CRTAM: variants seen among roughly 807,000 people sequenced by gnomAD.
CRTAM encodes cytotoxic and regulatory T cell molecule, also known as cytotoxic and regulatory T-cell molecule.
CRTAM carries 44 observed loss-of-function variants against 50.0 expected under a neutral mutation model. The ratio of observed to expected loss-of-function variants is 0.88; its 90% CI spans 0.69 to 1.13. CRTAM has a LOEUF of 1.13. Among genes scored for constraint, CRTAM ranks in the 50% most tolerant of loss-of-function variants. CRTAM has a pLI of 0.00. For synonymous variants in CRTAM, 159 were observed against 169.3 expected, an observed-to-expected ratio of 0.94 and a Z score of 0.47; for missense variants, 448 against 457.5, an observed-to-expected ratio of 0.98 and a Z score of 0.19.
rs750400327 is a variant in CRTAM at position 122,851,791 on chromosome 11, T to G, written c.292T>G (p.Cys98Gly). Reference sequence around the variant, plus strand: ...CCTGCAAGATGAAGGCGTGTACAAGTGCTTACATTACAGCGACTCTGTAAG... The same window carrying G: ...CCTGCAAGATGAAGGCGTGTACAAGGGCTTACATTACAGCGACTCTGTAAG... Reference protein sequence around the residue: ...VTLQDEGVYKCLHYSDSVSTK... With the variant: ...VTLQDEGVYKGLHYSDSVSTK... Residue 98 changes from cysteine (C) to glycine (G), a missense_variant, in exon 3 of 10, where the codon TGC becomes GGC. Coordinates refer to ENST00000227348, the MANE Select transcript of CRTAM (RefSeq NM_019604.4). 9 of 1,614,082 alleles carry G rather than the reference T, an allele frequency of 5.6e-6. No homozygotes were observed. The African/African-American group carries it at 1.1e-4, about 19-fold the overall frequency.
At position 122,872,420 on chromosome 11, in the gene CRTAM, GA is replaced by G; in HGVS notation, c.*1022del. The G allele has an allele frequency of 6.6e-6, 1 of 152,612 alleles. No homozygotes were observed. Among genetic ancestry groups the G allele is most frequent in the Middle Eastern group, 3.4e-3 (1 of 294 alleles). 9.5% of individuals were successfully genotyped at this position (152,612 alleles called of 1,614,324 possible). On this transcript the variant is annotated 3_prime_UTR_variant, in exon 10 of 10. Transcript: ENST00000227348. ...TGATGGGTTGAATTTACTGATTATT[GA>G]CCTAATGGATGGCTTTTTAAAATGT...
intron 3 of CRTAM, among the ~76,000 whole-genome samples, chr11:122,852,529 A>G (rs1055403414): frequency 3.9e-5 from 6 of 152,210 alleles, no homozygotes; most frequent in Non-Finnish European, 7.4e-5. Context: ...CACATATCAC[A>G]CAAATGAATG....
Position 122,868,169 on chromosome 11 carries a change from GAGAC to G in CRTAM, c.1051+74_1051+77del, listed in dbSNP as rs1237148824. 5.3e-6 allele frequency: 5 copies of G among 935,606 alleles called. No homozygotes were observed. In the Admixed American group the frequency reaches 5.4e-5, roughly 10 times the overall value. The allele number at this position is 935,606 out of a possible 1,614,324, so 58.0% of individuals were successfully genotyped here. ...AATGTATTAGTCAGATTTCTCCAGA[GAGAC>G]AGAGACAACAGAATATGTGTGTGTG... is the stretch of plus-strand genomic sequence containing the variant. On this transcript the variant is annotated intron_variant, in intron 9 of 9. Coordinates refer to ENST00000227348, the MANE Select transcript of CRTAM (RefSeq NM_019604.4).
chr11:122,861,741 G>A (rs565718553), intron 5 of CRTAM, among the ~76,000 whole-genome samples: 7 of 151,968 alleles, frequency 4.6e-5, no homozygotes, highest in Admixed American at 1.3e-4. Flanking sequence ...GTGCCCACCC[G>A]ACATGTCAGT....
chr11:122,871,456 C>G lies in CRTAM; in HGVS notation c.*57C>G. 1 of 1,522,868 alleles carries G rather than the reference C, an allele frequency of 6.6e-7. No homozygotes were observed. Among genetic ancestry groups the G allele is most frequent in the Non-Finnish European group, 8.9e-7 (1 of 1,117,554 alleles). The allele number at this position is 1,522,868 out of a possible 1,614,324, so 94.3% of individuals were successfully genotyped here. A position where few individuals can be genotyped will look rare whatever the true frequency, so the allele number is the denominator to read the frequency against. ...GTTGCCGCAGTGTCACCTCAGTGGA[C>G]CAGCCTGGGGGAAGGAGCTTAATTG... On this transcript the variant is annotated 3_prime_UTR_variant, in exon 10 of 10. Transcript: ENST00000227348.
intron 5 of CRTAM, among the ~76,000 whole-genome samples, chr11:122,861,407 TATATA>T (rs1565291758): frequency 1.0e-4 from 2 of 19,664 alleles, no homozygotes; most frequent in African/African-American, 5.2e-4. Flanking sequence ...TATATATATA[TATATA>T]TATATATATT....
intron 1 of CRTAM, among the ~76,000 whole-genome samples, chr11:122,846,840 A>C (rs1435204852): frequency 6.6e-6 from 1 of 152,176 alleles, no homozygotes; most frequent in East Asian, 1.9e-4. Flanking sequence ...AATGTCTACT[A>C]GGACCTAACT....
intron 1 of CRTAM, among the ~76,000 whole-genome samples, chr11:122,843,522 T>G (rs1280069925): frequency 1.3e-5 from 2 of 152,126 alleles, no homozygotes; most frequent in Non-Finnish European, 2.9e-5. Flanking sequence ...AATTTGCAGA[T>G]AAGAACTCTG....
chr11:122,846,929 A>C (rs1166600461), intron 1 of CRTAM, among the ~76,000 whole-genome samples: 1 of 152,200 alleles, frequency 6.6e-6, no homozygotes, highest in Admixed American at 6.5e-5. Context: ...GGAGATCCCT[A>C]GTGAAGAGCT....
In CRTAM at chr11:122,871,280, A is replaced by G. The variant is rs1404271294; in HGVS notation, c.1063A>G (p.Met355Val). 9 of 1,612,794 alleles carry G rather than the reference A, an allele frequency of 5.6e-6. No homozygotes were observed. Among genetic ancestry groups the G allele is most frequent in the African/African-American group, 1.3e-5 (1 of 74,914 alleles). The change falls in exon 10 of 10, where the codon ATG becomes GTG. Residue 355 changes from methionine to valine, a missense_variant. Met to Val is a conservative substitution (Grantham distance 21, BLOSUM62 1). Coordinates refer to ENST00000227348, the MANE Select transcript of CRTAM (RefSeq NM_019604.4). The stretch of plus-strand genomic sequence containing the variant: ...TGTTTTTCTTTCAGCTTCCCACCCT[A>G]TGCGTTGCATGAACTACATCACAAA... ...EEKNGQSSHP[M>V]RCMNYITKLY...
chr11:122,851,125 C>T (rs370346790), intron 2 of CRTAM, among the ~76,000 whole-genome samples: 3 of 151,848 alleles, frequency 2.0e-5, no homozygotes, highest in Non-Finnish European at 4.4e-5. Flanking sequence ...ATTAGCTGGG[C>T]GTGGTGGAGC....
chr11:122,860,273 C>T lies in CRTAM; in HGVS notation c.653-2191C>T, dbSNP rs144698642. The stretch of plus-strand genomic sequence containing the variant: ...CCATGTTGACCAGGCTGGTCTTGAA[C>T]TCCCGGCCTCAGGTGATCTGCCCGC... On this transcript the variant is annotated intron_variant, in intron 5 of 9. Coordinates refer to ENST00000227348, the MANE Select transcript of CRTAM (RefSeq NM_019604.4). 7.6e-3 allele frequency among the ~76,000 whole-genome samples: 1,153 copies of T among 152,238 alleles called. 7 individuals are homozygous for T. Among genetic ancestry groups the T allele is most frequent in the Non-Finnish European group, 0.012 (824 of 68,012 alleles).
intron 5 of CRTAM, among the ~76,000 whole-genome samples, chr11:122,858,808 G>T (rs542019627): frequency 1.3e-5 from 2 of 152,286 alleles, no homozygotes; most frequent in East Asian, 3.9e-4. Flanking sequence ...GATTAGAGGC[G>T]TGAGCTACTG....
chr11:122,853,840 G>T (rs1861967392), intron 3 of CRTAM, 103 bp from the exon 4 acceptor site: 3 of 1,069,130 alleles, frequency 2.8e-6, no homozygotes, highest in Non-Finnish European at 4.0e-6. Flanking sequence ...CCATTAATTA[G>T]AGTATACCCT....
At chr11:122,854,779 T>C (rs1460820428) in intron 4 of CRTAM, among the ~76,000 whole-genome samples, 2 of 152,006 alleles carry the variant, frequency 1.3e-5, no homozygotes, top group Admixed American at 6.6e-5. Flanking sequence ...CTTCCCTATA[T>C]TGTATAGTAC....
chr11:122,862,234 C>CAG, intron 5 of CRTAM: 2 of 545,810 alleles, frequency 3.7e-6, no homozygotes, highest in East Asian at 5.7e-5. Context: ...TGCCACCACA[C>CAG]AGAGGTCCAG....
At chr11:122,849,263 T>C (rs990267445) in intron 1 of CRTAM, among the ~76,000 whole-genome samples, 23 of 152,208 alleles carry the variant, frequency 1.5e-4, no homozygotes, top group African/African-American at 4.3e-4. Context: ...AGGTTGCATT[T>C]TCTGGGGCCT....
At chr11:122,850,315 A>T in intron 2 of CRTAM, 101 bp downstream of exon 2, 6 of 1,233,068 alleles carry the variant, frequency 4.9e-6, no homozygotes, top group Non-Finnish European at 5.6e-6. Context: ...GAGTCACCCA[A>T]GGGGTGGGCT....
intron 1 of CRTAM, among the ~76,000 whole-genome samples, chr11:122,846,650 G>A (rs890678899): frequency 3.3e-5 from 5 of 152,040 alleles, no homozygotes; most frequent in African/African-American, 1.2e-4. Flanking sequence ...GTCTCTCTCT[G>A]TCTTTTCATC....
Sources: gnomAD v4.1 joint callset for allele counts (sites outside exome capture counted in the v4.1 genomes callset) on GRCh38, gnomAD v4.1.1 for gene constraint, MANE v1.5 for transcripts, NCBI Gene and HGNC (gene_info 2026-07-23, HGNC 2026-07-21) for gene names.